NLGN4Y: variants seen among roughly 807,000 people sequenced by gnomAD.
The protein encoded by NLGN4Y is neuroligin 4 Y-linked, also known as neuroligin-4, Y-linked.
NLGN4Y carries 4 observed loss-of-function variants against 8.4 expected under a neutral mutation model. That is an observed-to-expected ratio of 0.48 (90% CI 0.23 to 1.09). The LOEUF (loss-of-function observed/expected upper bound fraction) is 1.09. NLGN4Y is among the 50% of genes least tolerant of loss of function. The pLI is 0.19. For missense variants in NLGN4Y, 90 were observed against 192.3 expected (o/e 0.47, Z 3.15); for synonymous variants, 35 against 75.6 (o/e 0.46, Z 2.78).
chrY:14,815,032 T>A, intron 4 of NLGN4Y, among the ~76,000 whole-genome samples: 1 of 32,795 alleles, frequency 3.0e-5, no homozygotes. Context: ...AAGTTCCAGG[T>A]GCCTGTCCAG....
At chrY:14,532,074 C>A (rs2080116788) in intron 1 of NLGN4Y, among the ~76,000 whole-genome samples, 1 of 31,710 alleles carries the variant, frequency 3.2e-5, no homozygotes, top group Non-Finnish European at 7.7e-5. Context: ...CTCTGTGAAT[C>A]CTGAGAAATC....
chrY:14,704,902 G>A, intron 2 of NLGN4Y, among the ~76,000 whole-genome samples: 2 of 33,140 alleles, frequency 6.0e-5, no homozygotes, highest in Non-Finnish European at 1.5e-4. Context: ...GGGTGTATGT[G>A]TCGAGGAATT....
At chrY:14,596,835 T>A (rs2080402357) in intron 1 of NLGN4Y, among the ~76,000 whole-genome samples, 1 of 33,228 alleles carries the variant, frequency 3.0e-5, no homozygotes, top group African/African-American at 1.2e-4. Flanking sequence ...TGCTTGGCGA[T>A]AGGTGATGGT....
Position 14,776,357 on chromosome Y carries a change from CAT to C in NLGN4Y, c.686-47828_686-47827del, listed in dbSNP as rs2081125989. 1.3e-4 allele frequency among the ~76,000 whole-genome samples: 4 copies of C among 29,638 alleles called. No individual in the cohort carries two copies. The South Asian group carries it at 2.1e-3, about 16-fold the overall frequency. The allele number at this position is 29,638 out of a possible 37,273, so 79.5% of individuals were successfully genotyped here. ...TATATTACAGATTAGCTATATATAACATATTTGTTTTATATTTATATTTATAT... is the reference window on the plus strand; with the variant it reads ...TATATTACAGATTAGCTATATATAACATTTGTTTTATATTTATATTTATAT... On this transcript the variant is annotated intron_variant, in intron 4 of 6. Transcript: ENST00000684976.
chrY:14,576,385 G>A (rs943949542), intron 1 of NLGN4Y, among the ~76,000 whole-genome samples: 100 of 33,564 alleles, frequency 3.0e-3, no homozygotes, highest in Admixed American at 0.024. Flanking sequence ...AGGACCCTCC[G>A]AGCCAGGCGC....
intron 1 of NLGN4Y, among the ~76,000 whole-genome samples, chrY:14,535,064 AG>A (rs2080127276): frequency 3.0e-5 from 1 of 33,078 alleles, no homozygotes; most frequent in Non-Finnish European, 7.4e-5. Flanking sequence ...TCCTTGAGGG[AG>A]GGGAGAAGGC....
At chrY:14,582,554 C>A in intron 1 of NLGN4Y, among the ~76,000 whole-genome samples, 2 of 33,061 alleles carry the variant, frequency 6.0e-5, no homozygotes, top group African/African-American at 1.2e-4. Flanking sequence ...TTGCTTTAGG[C>A]CAGAGTTCTA....
intron 4 of NLGN4Y, among the ~76,000 whole-genome samples, chrY:14,731,506 A>C: frequency 1.8e-4 from 6 of 33,234 alleles, no homozygotes; most frequent in African/African-American, 5.9e-4. Context: ...TCCACATTTT[A>C]TTATAATTCC....
chrY:14,610,604 G>A (rs2080463693), intron 1 of NLGN4Y, among the ~76,000 whole-genome samples: 1 of 32,551 alleles, frequency 3.1e-5, no homozygotes, highest in Non-Finnish European at 7.6e-5. Flanking sequence ...TTGCATTTGC[G>A]AGGAGTGTTT....
intron 1 of NLGN4Y, among the ~76,000 whole-genome samples, chrY:14,594,584 G>A: frequency 3.1e-5 from 1 of 32,689 alleles, no homozygotes; most frequent in East Asian, 8.1e-4. Flanking sequence ...TCTAGATTTT[G>A]TTCAGGGCCC....
chrY:14,567,874 C>T (rs2150478859), intron 1 of NLGN4Y, among the ~76,000 whole-genome samples: 3 of 32,867 alleles, frequency 9.1e-5, no homozygotes, highest in Non-Finnish European at 2.2e-4. Context: ...TTCTGTGTTA[C>T]TACACCTAGT....
chrY:14,723,090 C>A (rs377668708), intron 3 of NLGN4Y, 27 bp from the exon 4 acceptor site: 1 of 385,057 alleles, frequency 2.6e-6, no homozygotes, highest in African/African-American at 7.0e-5. Context: ...TTCTTTACTG[C>A]GTTTCCTTAC....
At chrY:14,757,886 C>T in intron 4 of NLGN4Y, among the ~76,000 whole-genome samples, 2 of 34,850 alleles carry the variant, frequency 5.7e-5, no homozygotes. Context: ...AGTTTCCCAA[C>T]GTTTTTCTTC....
intron 2 of NLGN4Y, among the ~76,000 whole-genome samples, chrY:14,702,503 A>C: frequency 6.1e-5 from 2 of 32,803 alleles, no homozygotes; most frequent in African/African-American, 2.4e-4. Flanking sequence ...CATCATTTTT[A>C]TGGCTGCATA....
chrY:14,655,707 A>G (rs868475898), intron 2 of NLGN4Y, among the ~76,000 whole-genome samples: 1 of 33,405 alleles, frequency 3.0e-5, no homozygotes, highest in Non-Finnish European at 7.4e-5. Flanking sequence ...GGGTCATTTG[A>G]TAGTTGTTGT....
At chrY:14,739,446 TA>T (rs2081000415) in intron 4 of NLGN4Y, among the ~76,000 whole-genome samples, 1 of 32,882 alleles carries the variant, frequency 3.0e-5, no homozygotes, top group South Asian at 6.7e-4. Flanking sequence ...GGGCTTGTTT[TA>T]AATGATTTAC....
intron 2 of NLGN4Y, among the ~76,000 whole-genome samples, chrY:14,644,311 A>G: frequency 3.1e-5 from 1 of 32,142 alleles, no homozygotes; most frequent in Non-Finnish European, 7.5e-5. Flanking sequence ...AACATCTGGG[A>G]GGAGTATGTA....
chrY:14,545,315 C>T, intron 1 of NLGN4Y, among the ~76,000 whole-genome samples: 2 of 32,998 alleles, frequency 6.1e-5, no homozygotes. Context: ...ATGGCTGGGT[C>T]GAATGGTATT....
chrY:14,840,396 C>A lies in NLGN4Y; in HGVS notation c.1662-17C>A, dbSNP rs761326286. The A allele has an allele frequency of 5.1e-6, 2 of 393,997 alleles. No homozygotes were observed. The highest frequency in any genetic ancestry group is 7.8e-5 in the Admixed American group (1 of 12,864). On this transcript the variant is annotated splice_polypyrimidine_tract_variant and intron_variant, in intron 6 of 6. Transcript: ENST00000684976. Reference sequence around the variant, plus strand: ...GGAAGAATATGACCTTTCTTTTTTTCTTCCTTCTATCCCCAGTGATCCAAA... The same window carrying A: ...GGAAGAATATGACCTTTCTTTTTTTATTCCTTCTATCCCCAGTGATCCAAA...
Sources: gnomAD v4.1 joint callset for allele counts (sites outside exome capture counted in the v4.1 genomes callset) on GRCh38, gnomAD v4.1.1 for gene constraint, MANE v1.5 for transcripts, NCBI Gene and HGNC (gene_info 2026-07-23, HGNC 2026-07-21) for gene names.